The following TMEM230 variants were observed in gnomAD, a reference collection of about 807,000 sequenced individuals.
TMEM230 encodes UPF0414 transmembrane protein C20orf30.
Under a neutral mutation model 15.8 loss-of-function variants are expected in TMEM230, and 10 were observed. That is an observed-to-expected ratio of 0.63 (90% confidence interval 0.39 to 1.07). The LOEUF (loss-of-function observed/expected upper bound fraction) is 1.07, where lower values mean the gene tolerates loss of function less well. Ranked by LOEUF, TMEM230 falls within the 50% of genes least tolerant of loss-of-function variation. TMEM230 has a pLI of 0.01. For missense variants in TMEM230, 165 were observed against 193.3 expected, an observed-to-expected ratio of 0.85 and a Z score of 0.87; for synonymous variants, 67 against 76.9, an observed-to-expected ratio of 0.87 and a Z score of 0.68.
At chr20:5,079,991 A>G (rs1401265786) in intron 3 of TMEM230, among the ~76,000 whole-genome samples, 4 of 152,218 alleles carry the variant, frequency 2.6e-5, no homozygotes, top group African/African-American at 9.6e-5. Flanking sequence ...CATCTTACTG[A>G]GATACTTAAG....
chr20:5,073,134 A>T (rs889585049), intron 3 of TMEM230, among the ~76,000 whole-genome samples: 24 of 152,134 alleles, frequency 1.6e-4, no homozygotes, highest in Admixed American at 9.8e-4. Flanking sequence ...TGGGGTGTCA[A>T]TTATGCCTCA....
At chr20:5,067,349 G>A (rs1407002585), downstream of TMEM230, 3 of 148,130 alleles carry the variant, frequency 2.0e-5, no homozygotes, top group African/African-American at 7.5e-5. Context: ...CATGTCAGGT[G>A]TCCTGGAACT....
intron 3 of TMEM230, among the ~76,000 whole-genome samples, chr20:5,084,286 C>T (rs1188710886): frequency 6.6e-6 from 1 of 150,606 alleles, no homozygotes; most frequent in African/African-American, 2.5e-5. Context: ...TGTAGTGGCA[C>T]AATCTCGGCT....
At chr20:5,095,040 A>T (rs2089626090), downstream of TMEM230, among the ~76,000 whole-genome samples, 1 of 152,262 alleles carries the variant, frequency 6.6e-6, no homozygotes, top group South Asian at 2.1e-4. Flanking sequence ...TGCTGCCATT[A>T]GTTCAGCTGT....
intron 3 of TMEM230, among the ~76,000 whole-genome samples, chr20:5,081,308 G>C (rs2089166983): frequency 6.6e-6 from 1 of 152,212 alleles, no homozygotes; most frequent in African/African-American, 2.4e-5. Flanking sequence ...AGGAGAACAA[G>C]AGATATCCTT....
At chr20:5,107,304 TACA>T (rs1353158605) in intron 3 of TMEM230, among the ~76,000 whole-genome samples, 1 of 151,982 alleles carries the variant, frequency 6.6e-6, no homozygotes, top group African/African-American at 2.4e-5. Context: ...CTGTTTCAAA[TACA>T]ACAACAGCAA....
downstream of TMEM230, among the ~76,000 whole-genome samples, chr20:5,065,731 T>C (rs2088645944): frequency 6.6e-6 from 1 of 152,054 alleles, no homozygotes; most frequent in South Asian, 2.1e-4. Context: ...CCGGGTTCTG[T>C]GGGAGCTCAT....
intron 3 of TMEM230, among the ~76,000 whole-genome samples, chr20:5,094,101 G>C (rs935857137): frequency 6.2e-4 from 94 of 152,088 alleles, no homozygotes; most frequent in African/African-American, 2.1e-3. Flanking sequence ...TGGGATTACA[G>C]GCACGTGCCA....
At chr20:5,062,373 TAAA>T in the TMEM230 span, among the ~76,000 whole-genome samples, 3 of 137,492 alleles carry the variant, frequency 2.2e-5, no homozygotes, top group Admixed American at 7.3e-5. Context: ...CTGTCTCAAT[TAAA>T]AAAAAAAAAA....
chr20:5,083,165 T>G (rs978371611), intron 3 of TMEM230, among the ~76,000 whole-genome samples: 8 of 151,994 alleles, frequency 5.3e-5, no homozygotes, highest in African/African-American at 1.9e-4. Context: ...TGACCTCATA[T>G]GAGCCGCCTG....
At chr20:5,092,625 A>G (rs549302006) in intron 3 of TMEM230, among the ~76,000 whole-genome samples, 1 of 151,612 alleles carries the variant, frequency 6.6e-6, no homozygotes, top group Non-Finnish European at 1.5e-5. Context: ...TTGAGGCAGG[A>G]GAATCGCTTG....
At chr20:5,062,030 G>T in the TMEM230 span, among the ~76,000 whole-genome samples, 1 of 151,790 alleles carries the variant, frequency 6.6e-6, no homozygotes, top group East Asian at 1.9e-4. Flanking sequence ...AGAACAGCCT[G>T]GCCAACATGG....
At chr20:5,075,401 C>T (rs1452071890) in intron 3 of TMEM230, among the ~76,000 whole-genome samples, 4 of 151,530 alleles carry the variant, frequency 2.6e-5, no homozygotes, top group Non-Finnish European at 2.9e-5. Flanking sequence ...GATAGTACTC[C>T]AGTAAAGCTG....
downstream of TMEM230, among the ~76,000 whole-genome samples, chr20:5,065,193 A>G (rs1158713513): frequency 1.3e-5 from 2 of 152,026 alleles, no homozygotes; most frequent in Non-Finnish European, 2.9e-5. Context: ...CCGAGGTGGG[A>G]AAGATCACCT....
intron 1 of TMEM230, chr20:5,111,883 G>T: frequency 1.4e-6 from 1 of 705,306 alleles, no homozygotes; most frequent in Non-Finnish European, 1.7e-6. Context: ...GTCTCGCTCT[G>T]TCACCCAGGC....
Position 5,109,399 on chromosome 20 carries a change from C to T in TMEM230, c.221G>A (p.Gly74Glu). The change falls in exon 3 of 5, where the codon GGA becomes GAA. Residue 74 changes from glycine to glutamate, a missense_variant. Physicochemically the swap from Gly to Glu is moderately conservative, Grantham distance 98. Coordinates refer to ENST00000342308, the MANE Select transcript of TMEM230 (RefSeq NM_001009923.2). ...ATATTTCACTTTACTACTGGGGATT[C>T]CAGTAGCCAGGTTGGTACGGGACGG... 6.2e-7 allele frequency: 1 copy of T among 1,613,852 alleles called. No homozygotes were observed. The highest frequency in any genetic ancestry group is 8.5e-7 in the Non-Finnish European group (1 of 1,179,840).
chr20:5,096,351 A>G (rs2089664138), downstream of TMEM230, among the ~76,000 whole-genome samples: 2 of 152,138 alleles, frequency 1.3e-5, no homozygotes, highest in African/African-American at 4.8e-5. Flanking sequence ...TGAGGTAGGA[A>G]TTGTTCTATC....
chr20:5,078,679 A>G (rs1485329613), intron 3 of TMEM230, among the ~76,000 whole-genome samples: 1 of 152,176 alleles, frequency 6.6e-6, no homozygotes, highest in Non-Finnish European at 1.5e-5. Context: ...AATGACACAT[A>G]TTGCTTGAAC....
chr20:5,071,607 G>C (rs1334996886), intron 3 of TMEM230, among the ~76,000 whole-genome samples: 1 of 131,068 alleles, frequency 7.6e-6, no homozygotes, highest in Non-Finnish European at 1.6e-5. Context: ...TGGGTAACAA[G>C]AGCGAAACTC....
Sources: gnomAD v4.1 joint callset for allele counts (sites outside exome capture counted in the v4.1 genomes callset) on GRCh38, gnomAD v4.1.1 for gene constraint, MANE v1.5 for transcripts, NCBI Gene and HGNC (gene_info 2026-07-23, HGNC 2026-07-21) for gene names.